PTPRD: variants seen among roughly 807,000 people sequenced by gnomAD.
The protein encoded by PTPRD is protein tyrosine phosphatase receptor type D.
A neutral mutation model predicts 214.5 loss-of-function variants in PTPRD; 34 were observed. That is an observed-to-expected ratio of 0.16 (90% confidence interval 0.12 to 0.21). PTPRD has a LOEUF of 0.21. Ranked by LOEUF, PTPRD falls within the 10% of genes least tolerant of loss-of-function variation. The probability of loss-of-function intolerance (pLI) is 1.00; values close to 1 mark genes in which losing one functional copy is unlikely to be tolerated. For synonymous variants in PTPRD, 1,128 were observed against 845.7 expected (o/e 1.33, Z -5.79); for missense variants, 2,545 against 2,398.7 (o/e 1.06, Z -1.27).
In PTPRD at chr9:10,101,715, T is replaced by C. The variant is rs113462838; in HGVS notation, c.-544-67925A>G. 2.3e-3 allele frequency among the ~76,000 whole-genome samples: 356 copies of C among 151,834 alleles called. 2 individuals are homozygous for C. Among genetic ancestry groups the C allele is most frequent in the African/African-American group, 6.6e-3 (275 of 41,496 alleles). On this transcript the variant is annotated intron_variant, in intron 3 of 45. Coordinates refer to ENST00000381196, the MANE Select transcript of PTPRD (RefSeq NM_002839.4). Reference sequence around the variant, plus strand: ...ACCACATACAAATAAAAGCTAATTTTATATTGGAAGGTGTATTGTGCAATG... The same window carrying C: ...ACCACATACAAATAAAAGCTAATTTCATATTGGAAGGTGTATTGTGCAATG...
chr9:9,210,992 AATAAAG>A (rs1342935518), intron 9 of PTPRD, among the ~76,000 whole-genome samples: 1 of 151,932 alleles, frequency 6.6e-6, no homozygotes, highest in Non-Finnish European at 1.5e-5. Flanking sequence ...GGAAGTTGAG[AATAAAG>A]ATAAACATAG....
chr9:8,554,174 C>A (rs1438489390), intron 14 of PTPRD, among the ~76,000 whole-genome samples: 1 of 152,006 alleles, frequency 6.6e-6, no homozygotes, highest in Non-Finnish European at 1.5e-5. Context: ...AACGACAGGG[C>A]AAGACTCTGT....
chr9:10,210,901 G>T (rs1426959552), intron 3 of PTPRD, among the ~76,000 whole-genome samples: 1 of 147,342 alleles, frequency 6.8e-6, no homozygotes, highest in Non-Finnish European at 1.5e-5. Flanking sequence ...AGGTTTGCAA[G>T]TTCAGAGCTG....
intron 7 of PTPRD, among the ~76,000 whole-genome samples, chr9:9,639,946 A>T (rs1173761718): frequency 1.3e-5 from 2 of 152,226 alleles, no homozygotes; most frequent in African/African-American, 4.8e-5. Context: ...TCTGTAGAGT[A>T]TGAGGAATTA....
At chr9:10,068,000 C>T (rs1484361614) in intron 3 of PTPRD, among the ~76,000 whole-genome samples, 2 of 151,886 alleles carry the variant, frequency 1.3e-5, no homozygotes, top group Admixed American at 1.3e-4. Context: ...CACTGAATCA[C>T]AATTTAAACT....
intron 14 of PTPRD, among the ~76,000 whole-genome samples, chr9:8,561,015 T>C (rs1476890815): frequency 6.6e-6 from 1 of 151,940 alleles, no homozygotes; most frequent in Non-Finnish European, 1.5e-5. Flanking sequence ...GATCCCCTTT[T>C]AAACTCCACC....
intron 7 of PTPRD, among the ~76,000 whole-genome samples, chr9:9,605,718 C>A (rs1192400256): frequency 1.3e-5 from 2 of 151,948 alleles, no homozygotes; most frequent in Non-Finnish European, 2.9e-5. Flanking sequence ...AATACAAGGG[C>A]AACAACTAGA....
intron 4 of PTPRD, among the ~76,000 whole-genome samples, chr9:9,975,507 A>T (rs1374160280): frequency 6.6e-6 from 1 of 152,258 alleles, no homozygotes; most frequent in Non-Finnish European, 1.5e-5. Context: ...GACTAGCAGC[A>T]CTACATCACC....
At position 9,905,093 on chromosome 9, in the gene PTPRD, A is replaced by G. The variant is rs73643814; in HGVS notation, c.-368+33414T>C. Among the ~76,000 whole-genome samples, 659 of 152,146 alleles carry G rather than the reference A, an allele frequency of 4.3e-3. 6 individuals carry two copies. The highest frequency in any genetic ancestry group is 0.015 in the African/African-American group (616 of 41,554). On this transcript the variant is annotated intron_variant, in intron 5 of 45. Transcript: ENST00000381196. ...TTTTCCTTTCTAATGAGAGCATACC[A>G]TCTAAGTAACTCACCTTCCCATGCC...
At chr9:9,223,925 G>C (rs536934984) in intron 9 of PTPRD, among the ~76,000 whole-genome samples, 1 of 152,050 alleles carries the variant, frequency 6.6e-6, no homozygotes, top group Admixed American at 6.6e-5. Flanking sequence ...TGGCTGAAAT[G>C]AATATTTTGA....
intron 35 of PTPRD, among the ~76,000 whole-genome samples, chr9:8,418,282 C>G (rs757412771): frequency 4.6e-5 from 7 of 151,932 alleles, no homozygotes; most frequent in Non-Finnish European, 1.0e-4. Flanking sequence ...TTAAATCCCA[C>G]TCTCCCAATT....
intron 8 of PTPRD, among the ~76,000 whole-genome samples, chr9:9,434,284 A>T (rs1165388631): frequency 2.6e-5 from 4 of 152,174 alleles, no homozygotes; most frequent in Non-Finnish European, 5.9e-5. Flanking sequence ...TATTTAAAAT[A>T]GCTTATTTAA....
chr9:10,405,953 A>G (rs2098349120), intron 2 of PTPRD, among the ~76,000 whole-genome samples: 1 of 151,464 alleles, frequency 6.6e-6, no homozygotes, highest in Admixed American at 6.6e-5. Context: ...CTCTTAAACT[A>G]TATCAATGTA....
At position 10,571,708 on chromosome 9, in the gene PTPRD, T is replaced by G. The variant is rs189077922; in HGVS notation, c.-600+40690A>C. Among the ~76,000 whole-genome samples the G allele has an allele frequency of 7.9e-5, 12 of 152,278 alleles. No individual in the cohort carries two copies. In the East Asian group the frequency reaches 1.5e-3, roughly 20 times the overall value. The stretch of plus-strand genomic sequence containing the variant: ...GGACCACTTTCATGGAAGACAGTTT[T>G]TCCGGGACTGGGGCAGGGGGATGGA... On this transcript the variant is annotated intron_variant, in intron 2 of 45. Coordinates refer to ENST00000381196, the MANE Select transcript of PTPRD (RefSeq NM_002839.4).
chr9:9,949,814 C>T (rs1345483329), intron 4 of PTPRD, among the ~76,000 whole-genome samples: 1 of 152,146 alleles, frequency 6.6e-6, no homozygotes, highest in African/African-American at 2.4e-5. Flanking sequence ...CTGAAGCCAA[C>T]ACTCTGAAGA....
chr9:8,480,143 A>G (rs529020191), intron 30 of PTPRD, among the ~76,000 whole-genome samples: 3 of 152,328 alleles, frequency 2.0e-5, no homozygotes, highest in East Asian at 3.9e-4. Context: ...TATAGAATAT[A>G]TATTTGTTGG....
chr9:8,924,263 A>T (rs144635095), intron 11 of PTPRD, among the ~76,000 whole-genome samples: 2 of 152,258 alleles, frequency 1.3e-5, no homozygotes, highest in African/African-American at 4.8e-5. Flanking sequence ...TAATGCAAAA[A>T]TATTCTTGAT....
chr9:8,844,622 G>C (rs1238475499), intron 11 of PTPRD, among the ~76,000 whole-genome samples: 1 of 152,118 alleles, frequency 6.6e-6, no homozygotes, highest in African/African-American at 2.4e-5. Flanking sequence ...ATTTATTAAG[G>C]ATAATGAAGC....
chr9:10,471,337 T>C (rs2099029937), intron 2 of PTPRD, among the ~76,000 whole-genome samples: 1 of 152,080 alleles, frequency 6.6e-6, no homozygotes, highest in Admixed American at 6.6e-5. Flanking sequence ...CAATCTCTAC[T>C]GAATTGGGGG....
Sources: allele counts gnomAD v4.1 joint callset (sites outside exome capture counted in the v4.1 genomes callset), GRCh38; gene constraint gnomAD v4.1.1; transcripts MANE v1.5; gene names NCBI Gene and HGNC (gene_info 2026-07-23, HGNC 2026-07-21).